The following NPAS2 variants were observed in gnomAD, a reference collection of about 807,000 sequenced individuals.
The protein encoded by NPAS2 is neuronal PAS domain-containing protein 2.
A neutral mutation model predicts 107.5 loss-of-function variants in NPAS2; 23 were observed. That is an observed-to-expected ratio of 0.21 (90% CI 0.15 to 0.30). The LOEUF is 0.30. NPAS2 is among the 10% of genes least tolerant of loss of function. The pLI is 1.00. For missense variants in NPAS2, 756 were observed against 1,043.3 expected (o/e 0.72, Z 3.79); for synonymous variants, 403 against 417.5 (o/e 0.97, Z 0.42).
intron 1 of NPAS2, among the ~76,000 whole-genome samples, chr2:100,824,375 T>C (rs13028398): frequency 0.088 from 13,467 of 152,306 alleles, 837 homozygotes; most frequent in Middle Eastern, 0.26. Flanking sequence ...TAGGATATTT[T>C]CATCTGAAGC....
intron 16 of NPAS2, chr2:100,983,816 A>T (rs1385753263): frequency 6.6e-6 from 1 of 152,190 alleles, no homozygotes; most frequent in Non-Finnish European, 1.5e-5. Flanking sequence ...TTTCTCACTG[A>T]TCCAGGGCCT....
At chr2:100,964,787 G>A (rs969385004) in intron 8 of NPAS2, 74 bp from the exon 9 acceptor site, 39 of 872,530 alleles carry the variant, frequency 4.5e-5, no homozygotes, top group East Asian at 1.9e-4. Context: ...CCCACCACGC[G>A]TTCCTCTTGA....
In NPAS2 at chr2:100,976,810, G is replaced by A. The variant is rs890153087; in HGVS notation, c.1393-900G>A. 7.9e-5 allele frequency: 12 copies of A among 152,164 alleles called. No homozygotes were observed. The highest frequency in any genetic ancestry group is 2.7e-4 in the African/African-American group (11 of 41,434). The allele number at this position is 152,164 out of a possible 1,614,324, so 9.4% of individuals were successfully genotyped here. A position where few individuals can be genotyped will look rare whatever the true frequency, so the allele number is the denominator to read the frequency against. On this transcript the variant is annotated intron_variant, in intron 14 of 20. Coordinates refer to ENST00000335681, the MANE Select transcript of NPAS2 (RefSeq NM_002518.4). This position sits in a 1 kb window ranked among gnomAD's most constrained non-coding sequence, Gnocchi z 4.1. Reference sequence around the variant, plus strand: ...TGTGACTCACTTTGCCAACAACGGAGGCCCAGAGTGCTTCTGTCTCCTCCC... The same window carrying A: ...TGTGACTCACTTTGCCAACAACGGAAGCCCAGAGTGCTTCTGTCTCCTCCC...
At chr2:100,887,396 C>A (rs1175378691) in intron 1 of NPAS2, among the ~76,000 whole-genome samples, 3 of 152,252 alleles carry the variant, frequency 2.0e-5, no homozygotes, top group African/African-American at 7.2e-5. Context: ...CCTGGCACCA[C>A]TGAACCACTG....
intron 1 of NPAS2, among the ~76,000 whole-genome samples, chr2:100,854,161 A>C (rs796293988): frequency 1.8e-4 from 25 of 135,934 alleles, no homozygotes; most frequent in Non-Finnish European, 2.6e-4. Context: ...GCCTCAACAA[A>C]AAAAAAAAAA....
chr2:100,993,152 C>G (rs973081124), intron 19 of NPAS2, among the ~76,000 whole-genome samples, 195 bp from the exon 20 acceptor site: 5 of 152,166 alleles, frequency 3.3e-5, no homozygotes, highest in African/African-American at 1.2e-4. Context: ...CCAGGCTGAT[C>G]TCGATCTCCT....
intron 1 of NPAS2, among the ~76,000 whole-genome samples, chr2:100,900,861 T>TC (rs1681727248): frequency 6.6e-6 from 1 of 151,548 alleles, no homozygotes; most frequent in African/African-American, 2.4e-5. Context: ...TCTTTTCCCC[T>TC]CCCCTCCCCT....
intron 1 of NPAS2, among the ~76,000 whole-genome samples, chr2:100,829,592 T>G (rs908024417): frequency 2.0e-5 from 3 of 152,204 alleles, no homozygotes; most frequent in South Asian, 2.1e-4. Flanking sequence ...TAGAATCATA[T>G]CAGCAGCAAA....
intron 1 of NPAS2, among the ~76,000 whole-genome samples, chr2:100,882,923 C>A (rs577611165): frequency 6.6e-6 from 1 of 152,286 alleles, no homozygotes; most frequent in African/African-American, 2.4e-5. Context: ...ACTCCTTTTA[C>A]CTGTGTTTCT....
chr2:100,877,445 CAAA>C (rs72050213), intron 1 of NPAS2, among the ~76,000 whole-genome samples: 9 of 81,602 alleles, frequency 1.1e-4, no homozygotes, highest in Non-Finnish European at 2.0e-4. Context: ...GACTCCGTCT[CAAA>C]AAAAAAAAAA....
chr2:100,838,080 G>A (rs1677175420), intron 1 of NPAS2, among the ~76,000 whole-genome samples: 1 of 151,766 alleles, frequency 6.6e-6, no homozygotes, highest in African/African-American at 2.4e-5. Flanking sequence ...TTCAGTGGCA[G>A]TGTTAATTAT....
intron 7 of NPAS2, among the ~76,000 whole-genome samples, chr2:100,963,390 G>GTTTGTTTTGTTTTGTTTTGTTTTGT (rs552393797): frequency 2.3e-4 from 35 of 149,008 alleles, no homozygotes; most frequent in Admixed American, 1.1e-3. Flanking sequence ...TCTTTTTTTT[G>GTTTGTTTTGTTTTGTTTTGTTTTGT]TTTGTTTTGT....
At chr2:100,953,679 G>T (rs1164149063) in intron 7 of NPAS2, among the ~76,000 whole-genome samples, 2 of 152,148 alleles carry the variant, frequency 1.3e-5, no homozygotes, top group Non-Finnish European at 2.9e-5. Flanking sequence ...TCTATGATGT[G>T]TGAGTGGGAA....
At chr2:100,878,242 A>C (rs1018083604) in intron 1 of NPAS2, 2 of 985,302 alleles carry the variant, frequency 2.0e-6, no homozygotes, top group African/African-American at 1.7e-5. Flanking sequence ...AGGCAAAAAA[A>C]TATAGAGGAC....
chr2:100,918,089 A>G (rs1683002241), intron 2 of NPAS2, among the ~76,000 whole-genome samples: 1 of 151,316 alleles, frequency 6.6e-6, no homozygotes, highest in African/African-American at 2.4e-5. Flanking sequence ...TTAAATTACA[A>G]TCAAGTGGAG....
intron 1 of NPAS2, among the ~76,000 whole-genome samples, chr2:100,879,570 A>G (rs1009144585): frequency 6.6e-6 from 1 of 151,680 alleles, no homozygotes; most frequent in East Asian, 1.9e-4. Context: ...TTAATTCCGC[A>G]TGTAAGTGAG....
chr2:100,936,305 C>T (rs563981091), intron 4 of NPAS2, among the ~76,000 whole-genome samples: 198 of 152,382 alleles, frequency 1.3e-3, no homozygotes, highest in Non-Finnish European at 2.6e-3. Flanking sequence ...CACAGATTCT[C>T]AGACATCACG....
intron 2 of NPAS2, among the ~76,000 whole-genome samples, chr2:100,909,180 T>G (rs900057280): frequency 6.6e-6 from 1 of 152,170 alleles, no homozygotes; most frequent in South Asian, 2.1e-4. Flanking sequence ...GTTGACTAAG[T>G]GATGTGGTGA....
At chr2:100,970,926 C>A in intron 11 of NPAS2, 64 bp from the exon 12 acceptor site, 1 of 1,424,460 alleles carries the variant, frequency 7.0e-7, no homozygotes, top group Non-Finnish European at 9.9e-7. Context: ...GCTGTCTGTT[C>A]AGGTGGTGTC....
Sources: gnomAD v4.1 joint callset for allele counts (sites outside exome capture counted in the v4.1 genomes callset) on GRCh38, gnomAD v4.1.1 for gene constraint, Gnocchi (gnomAD v3.1) non-coding constraint, MANE v1.5 for transcripts, NCBI Gene and HGNC (gene_info 2026-07-23, HGNC 2026-07-21) for gene names.